KIAA2012: variants seen among roughly 807,000 people sequenced by gnomAD.
The protein encoded by KIAA2012 is uncharacterized protein KIAA2012.
A neutral mutation model predicts 150.6 loss-of-function variants in KIAA2012; 125 were observed. The ratio of observed to expected loss-of-function variants is 0.83; its 90% CI spans 0.72 to 0.96. The LOEUF is 0.96. Ranked by LOEUF, KIAA2012 falls within the 40% of genes least tolerant of loss-of-function variation. The pLI, the probability that KIAA2012 is intolerant of heterozygous loss-of-function variation, is 0.00. For synonymous variants in KIAA2012, 462 were observed against 504.7 expected (o/e 0.92, Z 1.13); for missense variants, 1,219 against 1,354.9 (o/e 0.90, Z 1.57).
intron 17 of KIAA2012, 26 bp from the exon 18 acceptor site, chr2:202,188,125 TC>T: frequency 1.3e-6 from 2 of 1,516,980 alleles, no homozygotes; most frequent in Non-Finnish European, 1.8e-6. Flanking sequence ...CATATTATGG[TC>T]CCCTTCCTTG....
chr2:202,162,513 G>A (rs192782059), intron 14 of KIAA2012, among the ~76,000 whole-genome samples: 1 of 150,864 alleles, frequency 6.6e-6, no homozygotes, highest in African/African-American at 2.4e-5. Context: ...GACCTCAGGT[G>A]ATCCACCCAC....
At chr2:202,184,894 T>C in intron 16 of KIAA2012, 51 bp downstream of exon 16, 1 of 1,457,436 alleles carries the variant, frequency 6.9e-7, no homozygotes, top group South Asian at 1.3e-5. Context: ...TTATTTTGTT[T>C]GTATTTTTAA....
intron 19 of KIAA2012, 42 bp downstream of exon 19, chr2:202,190,535 C>T: frequency 7.1e-7 from 1 of 1,411,310 alleles, no homozygotes; most frequent in Non-Finnish European, 9.4e-7. Flanking sequence ...AAGTTCTGTT[C>T]TCACTTGGCG....
At chr2:202,117,306 G>C (rs1182161793) in intron 11 of KIAA2012, among the ~76,000 whole-genome samples, 3 of 152,214 alleles carry the variant, frequency 2.0e-5, no homozygotes, top group African/African-American at 7.2e-5. Context: ...ATCCCAGCTG[G>C]TCTGAAAACA....
chr2:202,122,955 C>G (rs943967533), intron 11 of KIAA2012, among the ~76,000 whole-genome samples: 1 of 152,176 alleles, frequency 6.6e-6, no homozygotes, highest in East Asian at 1.9e-4. Context: ...GGCCACCGCT[C>G]TGGCAGCCTC....
intron 6 of KIAA2012, 69 bp downstream of exon 6, chr2:202,099,865 T>G (rs751734738): frequency 5.4e-6 from 7 of 1,306,158 alleles, no homozygotes; most frequent in Middle Eastern, 4.0e-4. Flanking sequence ...TTAAGGACAC[T>G]GAGGCATGCC....
At chr2:202,149,559 G>A (rs1167647155) in intron 13 of KIAA2012, among the ~76,000 whole-genome samples, 2 of 152,252 alleles carry the variant, frequency 1.3e-5, no homozygotes, top group African/African-American at 4.8e-5. Flanking sequence ...GTGGGAGGGA[G>A]TTAGACAGTG....
rs977860106 is a variant in KIAA2012 at position 202,147,339 on chromosome 2, G to A, written c.1909-7334G>A. ...AATTGCTTTCGCCATATACCTAAGG[G>A]CGCACAGCTGAAGGTCTAGGGGCAG... On this transcript the variant is annotated intron_variant, in intron 13 of 23. Transcript: ENST00000498697. 2.0e-5 allele frequency among the ~76,000 whole-genome samples: 3 copies of A among 152,158 alleles called. No individual in the cohort carries two copies. In the East Asian group the frequency reaches 5.8e-4, roughly 29 times the overall value.
chr2:202,175,746 T>A (rs901942448), intron 15 of KIAA2012, among the ~76,000 whole-genome samples: 2 of 152,230 alleles, frequency 1.3e-5, no homozygotes, highest in African/African-American at 4.8e-5. Context: ...CAGTTTATGG[T>A]ATTTTGTTAT....
chr2:202,201,952 G>A (rs1323910832), intron 22 of KIAA2012: 3 of 712,138 alleles, frequency 4.2e-6, no homozygotes, highest in Non-Finnish European at 7.5e-6. Flanking sequence ...CTTCCTGTTC[G>A]GAGCCACTTC....
At chr2:202,110,933 C>T (rs1014495118) in intron 10 of KIAA2012, among the ~76,000 whole-genome samples, 2 of 152,166 alleles carry the variant, frequency 1.3e-5, no homozygotes, top group Non-Finnish European at 2.9e-5. Context: ...AAATCCCTTC[C>T]TTCCCCGCAA....
At position 202,073,402 on chromosome 2, in the gene KIAA2012, C is replaced by A; in HGVS notation, c.-226C>A. 2.1e-6 allele frequency: 1 copy of A among 473,494 alleles called. No individual in the cohort carries two copies. The highest frequency in any genetic ancestry group is 3.7e-5 in the South Asian group (1 of 26,918). 29.3% of individuals were successfully genotyped at this position (473,494 alleles called of 1,614,324 possible). A position where few individuals can be genotyped will look rare whatever the true frequency, so the allele number is the denominator to read the frequency against. On this transcript the variant is annotated 5_prime_UTR_variant, in exon 1 of 24. It adds an upstream start codon to the 5' untranslated region. Transcript: ENST00000498697. ...ACAATCCAGGGCTTGAGGAGGCTGGCTGTGCGGTTTATTTTTTCTCTCCAC... is the reference window on the plus strand; with the variant it reads ...ACAATCCAGGGCTTGAGGAGGCTGGATGTGCGGTTTATTTTTTCTCTCCAC...
At chr2:202,194,734 C>G (rs989107979) in intron 21 of KIAA2012, among the ~76,000 whole-genome samples, 3 of 152,026 alleles carry the variant, frequency 2.0e-5, no homozygotes, top group African/African-American at 7.2e-5. Context: ...TTGCCAGCCT[C>G]TTTTTAAAAA....
At chr2:202,134,846 C>T (rs75062155) in intron 12 of KIAA2012, among the ~76,000 whole-genome samples, 299 of 152,354 alleles carry the variant, frequency 2.0e-3, no homozygotes, top group African/African-American at 6.6e-3. Flanking sequence ...TGAGCCACCA[C>T]GCCCTGCCGA....
intron 23 of KIAA2012, among the ~76,000 whole-genome samples, chr2:202,203,732 T>C (rs1263413038): frequency 6.6e-6 from 1 of 152,092 alleles, no homozygotes; most frequent in Non-Finnish European, 1.5e-5. Context: ...CCACAAAAAT[T>C]TCCCCAGTTG....
intron 22 of KIAA2012, chr2:202,201,703 C>A: frequency 6.3e-7 from 1 of 1,586,994 alleles, no homozygotes; most frequent in Non-Finnish European, 8.7e-7. Context: ...AAGCGGCCGA[C>A]ATGGTGGGGA....
At chr2:202,188,073 G>A (rs1026950507) in intron 17 of KIAA2012, 79 bp from the exon 18 acceptor site, 14 of 1,194,992 alleles carry the variant, frequency 1.2e-5, no homozygotes, top group Non-Finnish European at 1.5e-5. Context: ...GTGTCACCTT[G>A]TTCAACATAA....
At chr2:202,154,068 G>A (rs999208813) in intron 13 of KIAA2012, among the ~76,000 whole-genome samples, 5 of 152,188 alleles carry the variant, frequency 3.3e-5, no homozygotes, top group African/African-American at 1.2e-4. Flanking sequence ...CCAGAAGCTC[G>A]GAGAGCCCCC....
At chr2:202,125,174 T>A in intron 11 of KIAA2012, 40 bp from the exon 12 acceptor site, 1 of 1,495,108 alleles carries the variant, frequency 6.7e-7, no homozygotes, top group South Asian at 1.2e-5. Context: ...TTTACAAGAC[T>A]TTTTCCCGCT....
Sources: allele counts gnomAD v4.1 joint callset (sites outside exome capture counted in the v4.1 genomes callset), GRCh38; gene constraint gnomAD v4.1.1; transcripts MANE v1.5; gene names NCBI Gene and HGNC (gene_info 2026-07-23, HGNC 2026-07-21).